Variants in MALT1 observed in about 807,000 individuals in gnomAD.
MALT1 encodes the protein mucosa-associated lymphoid tissue lymphoma translocation protein 1.
In MALT1, 36 loss-of-function variants were observed where a neutral mutation model predicts 85.5. The observed-to-expected ratio is 0.42, with a 90% confidence interval of 0.32 to 0.56. The LOEUF is 0.56. Ranked by LOEUF, MALT1 falls within the 20% of genes least tolerant of loss-of-function variation. MALT1 has a pLI of 0.10. For missense variants in MALT1, 716 were observed against 981.6 expected, an observed-to-expected ratio of 0.73 and a Z score of 3.62; for synonymous variants, 359 against 361.3, an observed-to-expected ratio of 0.99 and a Z score of 0.07.
At chr18:58,679,030 G>A (rs943498002) in intron 1 of MALT1, among the ~76,000 whole-genome samples, 2 of 152,172 alleles carry the variant, frequency 1.3e-5, no homozygotes, top group Non-Finnish European at 2.9e-5. Flanking sequence ...GTTTCTTTGG[G>A]AAAGTTTTTC....
At chr18:58,696,543 T>A in intron 3 of MALT1, 56 bp downstream of exon 3, 1 of 1,360,396 alleles carries the variant, frequency 7.4e-7, no homozygotes. Context: ...GATAGAGAAT[T>A]AATTAACATT....
At chr18:58,680,252 GAA>G (rs543075663) in intron 1 of MALT1, among the ~76,000 whole-genome samples, 3 of 152,068 alleles carry the variant, frequency 2.0e-5, no homozygotes, top group Non-Finnish European at 4.4e-5. Flanking sequence ...TTTTTCATAT[GAA>G]TACACACATA....
At chr18:58,730,440 C>T (rs533486842) in intron 10 of MALT1, among the ~76,000 whole-genome samples, 1 of 152,314 alleles carries the variant, frequency 6.6e-6, no homozygotes, top group East Asian at 1.9e-4. Flanking sequence ...TCTTTCACTT[C>T]ACATGTTTTC....
chr18:58,750,972 C>T lies in MALT1; in HGVS notation c.*3130C>T, dbSNP rs1450119255. On this transcript the variant is annotated 3_prime_UTR_variant, in exon 17 of 17. Coordinates refer to ENST00000649217, the MANE Select transcript of MALT1 (RefSeq NM_006785.4). ...GAAAAATTTTTGAAAAATCATGTAT[C>T]TGATAAAAAAACAAACAAACATGCA... is the stretch of plus-strand genomic sequence containing the variant. 6.6e-6 allele frequency: 1 copy of T among 152,114 alleles called. No individual in the cohort carries two copies. The highest frequency in any genetic ancestry group is 2.4e-5 in the African/African-American group (1 of 41,400). 9.4% of individuals were successfully genotyped at this position (152,114 alleles called of 1,614,324 possible). A position where few individuals can be genotyped will look rare whatever the true frequency, so the allele number is the denominator to read the frequency against.
rs2055423931 is a variant in MALT1 at position 58,749,907 on chromosome 18, C to G, written c.*2065C>G. The G allele has an allele frequency of 9.5e-6, 2 of 210,790 alleles. No homozygotes were observed. The highest frequency in any genetic ancestry group is 9.6e-6 in the Non-Finnish European group (1 of 103,934). 13.1% of individuals were successfully genotyped at this position (210,790 alleles called of 1,614,324 possible). ...TTCCCCTTAAGATTGGGAAGAAGGA[C>G]AAGGATGTTCACTCGGCACTACTTC... On this transcript the variant is annotated 3_prime_UTR_variant, in exon 17 of 17. Transcript: ENST00000649217.
intron 16 of MALT1, 148 bp downstream of exon 16, chr18:58,745,939 C>T (rs140567195): frequency 1.5e-6 from 1 of 673,484 alleles, no homozygotes; most frequent in Non-Finnish European, 2.4e-6. Flanking sequence ...TTTTTATATT[C>T]TGTTTCCGAT....
In MALT1 at chr18:58,696,410, G is replaced by A; in HGVS notation, c.421G>A (p.Gly141Arg). 3 of 1,585,908 alleles carry A rather than the reference G, an allele frequency of 1.9e-6. No homozygotes were observed. Among genetic ancestry groups the A allele is most frequent in the South Asian group, 1.2e-5 (1 of 86,708 alleles). ...CCCAGAGTCAAAGGCAGTCTTGGCT[G>A]GACAGTTTGTGAAACTGTGTTGCCG... ...VNPESKAVLAGQFVKLCCRAT... is the reference protein window; with the variant it reads ...VNPESKAVLARQFVKLCCRAT... Residue 141 changes from glycine (G) to arginine (R), a missense_variant, in exon 3 of 17, where the codon GGA (glycine) becomes AGA (arginine). Physicochemically the swap from Gly to Arg is moderately radical, Grantham distance 125 (BLOSUM62 -2). Coordinates refer to ENST00000649217, the MANE Select transcript of MALT1 (RefSeq NM_006785.4).
Position 58,671,694 on chromosome 18 carries a change from C to G in MALT1, c.51C>G (p.Pro17=). The change falls in exon 1 of 17, where the codon CCC becomes CCG. Residue 17 remains proline, a synonymous_variant. Transcript: ENST00000649217. ...PLQALPPSAA[P]TGPLLAPPAG... is the part of the protein sequence containing the mutation. ...AGGCCCTGCCGCCCTCGGCCGCCCC[C>G]ACGGGGCCGCTGCTCGCCCCTCCGG... 1 of 1,257,862 alleles carries G rather than the reference C, an allele frequency of 8.0e-7. No individual in the cohort carries two copies. Among genetic ancestry groups the G allele is most frequent in the Non-Finnish European group, 1.0e-6 (1 of 1,002,822 alleles). The allele number at this position is 1,257,862 out of a possible 1,614,324, so 77.9% of individuals were successfully genotyped here.
intron 2 of MALT1, among the ~76,000 whole-genome samples, chr18:58,683,735 A>T (rs1388033864): frequency 1.3e-5 from 2 of 152,160 alleles, no homozygotes; most frequent in Non-Finnish European, 2.9e-5. Context: ...TAGGATTAGC[A>T]CTTTTCTATC....
rs1189183428 is a variant in MALT1 at position 58,750,307 on chromosome 18, A to G, written c.*2465A>G. On this transcript the variant is annotated 3_prime_UTR_variant, in exon 17 of 17. Coordinates refer to ENST00000649217, the MANE Select transcript of MALT1 (RefSeq NM_006785.4). ...CCATGTTCATGGATTGGAAGACTGAATATTGGTAAGATGGCAATGCTGCCC... is the reference window on the plus strand; with the variant it reads ...CCATGTTCATGGATTGGAAGACTGAGTATTGGTAAGATGGCAATGCTGCCC... The G allele has an allele frequency of 6.3e-6, 1 of 159,034 alleles. No individual in the cohort carries two copies. The highest frequency in any genetic ancestry group is 1.4e-5 in the Non-Finnish European group (1 of 72,076). 9.9% of individuals were successfully genotyped at this position (159,034 alleles called of 1,614,324 possible).
rs1033268764 is a variant in MALT1 at position 58,700,331 on chromosome 18, A to G, written c.499-110A>G. ...CAGAAATGTTTTAGAACTTGGGGGAAAAATGTTGCACTTTCAAAGCTTCAT... is the reference window on the plus strand; with the variant it reads ...CAGAAATGTTTTAGAACTTGGGGGAGAAATGTTGCACTTTCAAAGCTTCAT... On this transcript the variant is annotated intron_variant, in intron 3 of 16. Transcript: ENST00000649217. 7.7e-6 allele frequency: 6 copies of G among 778,950 alleles called. No individual in the cohort carries two copies. In the African/African-American group the frequency reaches 1.1e-4, roughly 14 times the overall value. The allele number at this position is 778,950 out of a possible 1,614,324, so 48.3% of individuals were successfully genotyped here. A position where few individuals can be genotyped will look rare whatever the true frequency, so the allele number is the denominator to read the frequency against.
At chr18:58,680,751 G>A (rs113509619) in intron 1 of MALT1, among the ~76,000 whole-genome samples, 67 of 151,818 alleles carry the variant, frequency 4.4e-4, no homozygotes, top group Middle Eastern at 3.4e-3. Context: ...GTGAAACCCC[G>A]TCTCTACTAA....
Position 58,747,885 on chromosome 18 carries a change from A to T in MALT1, c.*43A>T. On this transcript the variant is annotated 3_prime_UTR_variant, in exon 17 of 17. Transcript: ENST00000649217. Reference sequence around the variant, plus strand: ...GTTAGCATAATTTTAGATGCCTGTGAAATAGTACTGCACTTACATAAAGTG... The same window carrying T: ...GTTAGCATAATTTTAGATGCCTGTGTAATAGTACTGCACTTACATAAAGTG... 6.7e-7 allele frequency: 1 copy of T among 1,489,092 alleles called. No homozygotes were observed. The highest frequency in any genetic ancestry group is 1.2e-5 in the South Asian group (1 of 83,080). The allele number at this position is 1,489,092 out of a possible 1,614,324, so 92.2% of individuals were successfully genotyped here.
At chr18:58,686,846 A>G (rs1266341714) in intron 2 of MALT1, among the ~76,000 whole-genome samples, 1 of 152,246 alleles carries the variant, frequency 6.6e-6, no homozygotes, top group East Asian at 1.9e-4. Flanking sequence ...GTGAAGCGAC[A>G]GAACAGTGCT....
rs542467774 is a variant in MALT1, at chr18:58,749,607, G to A, written c.*1765G>A. On this transcript the variant is annotated 3_prime_UTR_variant, in exon 17 of 17. Transcript: ENST00000649217. Reference sequence around the variant, plus strand: ...CCACAAATGACTGCAAAAGTGCCACGGATATCAATTTGAGGGTTATAAATT... The same window carrying A: ...CCACAAATGACTGCAAAAGTGCCACAGATATCAATTTGAGGGTTATAAATT... The A allele has an allele frequency of 3.2e-5, 7 of 218,972 alleles. No individual in the cohort carries two copies. The highest frequency in any genetic ancestry group is 6.7e-5 in the East Asian group (1 of 14,844). The allele number at this position is 218,972 out of a possible 1,614,324, so 13.6% of individuals were successfully genotyped here.
intron 4 of MALT1, among the ~76,000 whole-genome samples, chr18:58,704,887 CTCTT>C (rs1026250308): frequency 6.6e-6 from 1 of 152,074 alleles, no homozygotes; most frequent in African/African-American, 2.4e-5. Context: ...AGAAAAAAGT[CTCTT>C]TCAAGGTGTT....
At chr18:58,718,186 A>C (rs2054930341) in intron 9 of MALT1, among the ~76,000 whole-genome samples, 1 of 152,212 alleles carries the variant, frequency 6.6e-6, no homozygotes, top group Non-Finnish European at 1.5e-5. Context: ...AAACCCATCT[A>C]TCTCTCATTC....
chr18:58,703,541 G>A (rs1391587054), intron 4 of MALT1, among the ~76,000 whole-genome samples: 1 of 152,126 alleles, frequency 6.6e-6, no homozygotes, highest in Non-Finnish European at 1.5e-5. Flanking sequence ...AATCATGGTG[G>A]AAGGTGAAAG....
At chr18:58,704,993 T>C (rs752399045) in intron 4 of MALT1, among the ~76,000 whole-genome samples, 4 of 147,222 alleles carry the variant, frequency 2.7e-5, no homozygotes, top group African/African-American at 1.0e-4. Flanking sequence ...TGATCCTCCT[T>C]TCCTGACCTC....
Sources: allele counts gnomAD v4.1 joint callset (sites outside exome capture counted in the v4.1 genomes callset), GRCh38; gene constraint gnomAD v4.1.1; transcripts MANE v1.5; gene names NCBI Gene and HGNC (gene_info 2026-07-23, HGNC 2026-07-21).